The following AGBL4 variants were observed in gnomAD, a reference collection of about 807,000 sequenced individuals.
The protein encoded by AGBL4 is AGBL carboxypeptidase 4, also known as cytosolic carboxypeptidase 6.
A neutral mutation model predicts 66.4 loss-of-function variants in AGBL4; 58 were observed. That is an observed-to-expected ratio of 0.87 (90% CI 0.71 to 1.09). The LOEUF (loss-of-function observed/expected upper bound fraction) is 1.09. Ranked by LOEUF, AGBL4 falls within the 50% of genes least tolerant of loss-of-function variation. The pLI is 0.00. For missense variants in AGBL4, 579 were observed against 631.0 expected (o/e 0.92, Z 0.88); for synonymous variants, 234 against 222.9 (o/e 1.05, Z -0.44).
chr1:49,190,376 A>G (rs1262330490), intron 4 of AGBL4, among the ~76,000 whole-genome samples: 1 of 152,212 alleles, frequency 6.6e-6, no homozygotes, highest in Non-Finnish European at 1.5e-5. Flanking sequence ...TTGTTTAAAC[A>G]AGAAAATTAT....
At chr1:49,447,229 C>A (rs1399124125) in intron 3 of AGBL4, among the ~76,000 whole-genome samples, 3 of 152,200 alleles carry the variant, frequency 2.0e-5, no homozygotes, top group African/African-American at 7.2e-5. Flanking sequence ...AATGAGGTCA[C>A]TTCTCACAGC....
intron 1 of AGBL4, among the ~76,000 whole-genome samples, chr1:50,018,110 T>C (rs531289043): frequency 1.3e-5 from 2 of 152,304 alleles, no homozygotes; most frequent in East Asian, 3.9e-4. Flanking sequence ...TATTTAGGAA[T>C]TGACAATCTT....
intron 3 of AGBL4, among the ~76,000 whole-genome samples, chr1:49,651,148 C>T (rs1645996619): frequency 6.6e-6 from 1 of 152,202 alleles, no homozygotes; most frequent in Non-Finnish European, 1.5e-5. Flanking sequence ...ATCTCAGTTG[C>T]ACTGTGGCTG....
intron 5 of AGBL4, among the ~76,000 whole-genome samples, chr1:48,918,160 C>T (rs1413988175): frequency 3.9e-5 from 6 of 152,202 alleles, no homozygotes; most frequent in Non-Finnish European, 7.3e-5. Flanking sequence ...GATTGCTGGT[C>T]GTGCTGACAA....
intron 4 of AGBL4, among the ~76,000 whole-genome samples, chr1:49,050,557 T>G (rs968822447): frequency 6.6e-6 from 1 of 152,124 alleles, no homozygotes; most frequent in Non-Finnish European, 1.5e-5. Context: ...TAGTGAAACT[T>G]TAAGTCATGC....
At chr1:48,548,270 T>C (rs949327807) in intron 11 of AGBL4, among the ~76,000 whole-genome samples, 10 of 151,844 alleles carry the variant, frequency 6.6e-5, no homozygotes, top group African/African-American at 2.4e-4. Flanking sequence ...AGTAGAGTGC[T>C]CAGAGAGGCT....
intron 4 of AGBL4, among the ~76,000 whole-genome samples, chr1:49,142,155 A>C (rs1278159585): frequency 6.6e-6 from 1 of 152,016 alleles, no homozygotes; most frequent in African/African-American, 2.4e-5. Flanking sequence ...ATGCCTGATG[A>C]TCTGAATTGG....
At chr1:49,436,263 G>A (rs1289830015) in intron 3 of AGBL4, among the ~76,000 whole-genome samples, 1 of 152,152 alleles carries the variant, frequency 6.6e-6, no homozygotes, top group Non-Finnish European at 1.5e-5. Flanking sequence ...ATAACAGTGA[G>A]TGTTTCCTCA....
chr1:49,761,130 CG>C (rs1015659540), intron 2 of AGBL4, among the ~76,000 whole-genome samples: 8 of 147,168 alleles, frequency 5.4e-5, no homozygotes, highest in African/African-American at 2.0e-4. Context: ...ACATGCATCC[CG>C]TTTTTTTTTT....
chr1:48,810,489 C>A (rs2148756378), intron 6 of AGBL4, among the ~76,000 whole-genome samples: 1 of 152,292 alleles, frequency 6.6e-6, no homozygotes, highest in Non-Finnish European at 1.5e-5. Flanking sequence ...GTTTCAATCC[C>A]AGTCTACCAT....
At chr1:48,777,110 C>A in intron 6 of AGBL4, 1 of 375,162 alleles carries the variant, frequency 2.7e-6, no homozygotes. Context: ...AAAGTCAGAC[C>A]CGAGCAATCA....
chr1:49,025,407 G>C (rs1322774173), intron 5 of AGBL4, among the ~76,000 whole-genome samples: 1 of 152,098 alleles, frequency 6.6e-6, no homozygotes, highest in East Asian at 1.9e-4. Context: ...TAAGTTTATG[G>C]AGAAGGCCAA....
Position 49,855,695 on chromosome 1 carries a change from T to G in AGBL4, c.35-4177A>C, listed in dbSNP as rs200009514. On this transcript the variant is annotated intron_variant, in intron 1 of 13. Transcript: ENST00000371839. Reference sequence around the variant, plus strand: ...AAATTAAGAAGAAAAATTTAAAAATTTATTGAAGCAAATGAAAAAGCAAAC... The same window carrying G: ...AAATTAAGAAGAAAAATTTAAAAATGTATTGAAGCAAATGAAAAAGCAAAC... 4.6e-5 allele frequency among the ~76,000 whole-genome samples: 7 copies of G among 152,186 alleles called. No homozygotes were observed. In the East Asian group the frequency reaches 1.4e-3, roughly 29 times the overall value.
intron 6 of AGBL4, among the ~76,000 whole-genome samples, chr1:48,801,266 G>C (rs954224881): frequency 1.3e-5 from 2 of 152,206 alleles, no homozygotes; most frequent in Non-Finnish European, 2.9e-5. Flanking sequence ...AAGCAAGTGT[G>C]GCTTTCTGGC....
intron 6 of AGBL4, among the ~76,000 whole-genome samples, chr1:48,763,100 AAACAACAACAACAAC>A (rs138330596): frequency 7.3e-5 from 11 of 151,088 alleles, no homozygotes; most frequent in South Asian, 4.2e-4. Flanking sequence ...GATTTAATTA[AAACAACAACAACAAC>A]AACAACAACA....
At chr1:49,382,813 A>G (rs902752092) in intron 3 of AGBL4, among the ~76,000 whole-genome samples, 1 of 152,222 alleles carries the variant, frequency 6.6e-6, no homozygotes, top group Admixed American at 6.5e-5. Flanking sequence ...AAAATTTAGC[A>G]AAGTTGCAGA....
chr1:49,974,116 A>G (rs1235535638), intron 1 of AGBL4, among the ~76,000 whole-genome samples: 1 of 152,154 alleles, frequency 6.6e-6, no homozygotes, highest in Non-Finnish European at 1.5e-5. Context: ...ACTCTTAAAA[A>G]GAATATTAGA....
At chr1:49,998,502 A>T (rs929519334) in intron 1 of AGBL4, among the ~76,000 whole-genome samples, 1 of 152,210 alleles carries the variant, frequency 6.6e-6, no homozygotes, top group African/African-American at 2.4e-5. Context: ...GAATTGTATC[A>T]GACATTCAAA....
At chr1:49,283,306 G>C (rs1644322420) in intron 3 of AGBL4, among the ~76,000 whole-genome samples, 3 of 152,112 alleles carry the variant, frequency 2.0e-5, no homozygotes, top group African/African-American at 7.2e-5. Flanking sequence ...TCGCAGCTGA[G>C]GGTCCTATCT....
Sources: allele counts gnomAD v4.1 joint callset (sites outside exome capture counted in the v4.1 genomes callset), GRCh38; gene constraint gnomAD v4.1.1; transcripts MANE v1.5; gene names NCBI Gene and HGNC (gene_info 2026-07-23, HGNC 2026-07-21).